Variants in RAB3C observed in about 807,000 individuals in gnomAD.
The protein encoded by RAB3C is ras-related protein Rab-3C.
Under a neutral mutation model 26.4 loss-of-function variants are expected in RAB3C, and 17 were observed. The observed-to-expected ratio is 0.64, with a 90% confidence interval of 0.44 to 0.97. RAB3C has a LOEUF of 0.97. Among genes scored for constraint, RAB3C ranks in the 50% least tolerant of loss-of-function variants. The probability of loss-of-function intolerance (pLI) is 0.00; values close to 1 mark genes in which losing one functional copy is unlikely to be tolerated. For synonymous variants in RAB3C, 91 were observed against 95.9 expected (o/e 0.95, Z 0.30); for missense variants, 242 against 281.9 (o/e 0.86, Z 1.01).
rs562276981 is a variant in RAB3C, at chr5:58,693,804, G to T, written c.253-32198G>T. Among the ~76,000 whole-genome samples the T allele has an allele frequency of 2.6e-4, 39 of 152,294 alleles. No homozygotes were observed. In the East Asian group the frequency reaches 7.4e-3, roughly 29 times the overall value. On this transcript the variant is annotated intron_variant, in intron 2 of 4. Coordinates refer to ENST00000282878, the MANE Select transcript of RAB3C (RefSeq NM_138453.4). ...TTTGCCTGATGGCATGCCAATTCTA[G>T]TCTATGCAGGGAGAGCCCCTCTGAA...
intron 1 of RAB3C, among the ~76,000 whole-genome samples, chr5:58,610,418 A>AT (rs574497504): frequency 2.6e-5 from 4 of 151,040 alleles, no homozygotes; most frequent in Admixed American, 6.6e-5. Flanking sequence ...TCAGGTTTTA[A>AT]TTTTTTTTTC....
intron 3 of RAB3C, among the ~76,000 whole-genome samples, chr5:58,777,659 A>G (rs541650333): frequency 2.0e-5 from 3 of 149,096 alleles, no homozygotes; most frequent in East Asian, 2.0e-4. Flanking sequence ...GGTTTGTTAC[A>G]TATGTATACA....
intron 3 of RAB3C, among the ~76,000 whole-genome samples, chr5:58,743,365 C>G (rs550694870): frequency 6.6e-6 from 1 of 151,866 alleles, no homozygotes; most frequent in Non-Finnish European, 1.5e-5. Context: ...CAGTCACAAT[C>G]TCTGCCATTG....
At chr5:58,756,646 T>A (rs1006613406) in intron 3 of RAB3C, among the ~76,000 whole-genome samples, 1 of 142,264 alleles carries the variant, frequency 7.0e-6, no homozygotes, top group Non-Finnish European at 1.5e-5. Context: ...CATTATAAAC[T>A]GTAAGTCACG....
chr5:58,811,291 C>G (rs189681496), intron 3 of RAB3C, among the ~76,000 whole-genome samples: 3 of 152,228 alleles, frequency 2.0e-5, no homozygotes, highest in Admixed American at 1.3e-4. Flanking sequence ...ATGACAAAAC[C>G]TCTTTGCTCT....
chr5:58,666,991 A>G lies in RAB3C; in HGVS notation c.252+49121A>G, dbSNP rs531936391. Among the ~76,000 whole-genome samples the G allele has an allele frequency of 2.0e-4, 31 of 152,328 alleles. No individual in the cohort carries two copies. The South Asian group carries it at 5.2e-3, about 25-fold the overall frequency. On this transcript the variant is annotated intron_variant, in intron 2 of 4. Transcript: ENST00000282878. ...CAACCAATTGCCATTAATGTTGGAA[A>G]ACAAAATTATCTGATGCTTTTAGAC... is the stretch of plus-strand genomic sequence containing the variant.
intron 3 of RAB3C, among the ~76,000 whole-genome samples, chr5:58,772,598 G>C (rs1240900764): frequency 6.6e-6 from 1 of 152,134 alleles, no homozygotes; most frequent in Non-Finnish European, 1.5e-5. Context: ...GAACAAAGAA[G>C]ACGAGAGAGA....
rs536046861 is a variant in RAB3C, at chr5:58,828,934, C to T, written c.496+3772C>T. ...TTTTTTTTTTTTTTGGATGGAGTCT[C>T]GTTCTGTCACCCAGGCTGGAGTGCA... is the stretch of plus-strand genomic sequence containing the variant. On this transcript the variant is annotated intron_variant, in intron 4 of 4. Coordinates refer to ENST00000282878, the MANE Select transcript of RAB3C (RefSeq NM_138453.4). Among the ~76,000 whole-genome samples, 45 of 133,946 alleles carry T rather than the reference C, an allele frequency of 3.4e-4. 1 individual carries two copies. The highest frequency in any genetic ancestry group is 2.2e-4 in the East Asian group (1 of 4,476). 87.9% of individuals were successfully genotyped at this position (133,946 alleles called of 152,430 possible). A position where few individuals can be genotyped will look rare whatever the true frequency, so the allele number is the denominator to read the frequency against.
At chr5:58,807,455 C>T (rs1375101168) in intron 3 of RAB3C, among the ~76,000 whole-genome samples, 1 of 152,188 alleles carries the variant, frequency 6.6e-6, no homozygotes, top group African/African-American at 2.4e-5. Context: ...GCTGCTGTAA[C>T]AAAATACCAT....
At chr5:58,843,143 G>T (rs1458158974) in intron 4 of RAB3C, among the ~76,000 whole-genome samples, 1 of 152,156 alleles carries the variant, frequency 6.6e-6, no homozygotes, top group Non-Finnish European at 1.5e-5. Context: ...ATGCAAAAAG[G>T]CCTAGCGTAG....
intron 2 of RAB3C, among the ~76,000 whole-genome samples, chr5:58,682,041 T>C (rs1210463713): frequency 1.3e-5 from 2 of 152,172 alleles, no homozygotes; most frequent in Admixed American, 6.5e-5. Flanking sequence ...TTGTAACTGA[T>C]GTTGGCATTA....
At chr5:58,824,948 C>T (rs1349308728) in intron 3 of RAB3C, 90 bp from the exon 4 acceptor site, 4 of 865,952 alleles carry the variant, frequency 4.6e-6, no homozygotes, top group East Asian at 5.5e-5. Context: ...CTTTTGCTAC[C>T]ATCATCATCT....
At chr5:58,584,070 C>G (rs535596466) in intron 1 of RAB3C, among the ~76,000 whole-genome samples, 1 of 152,198 alleles carries the variant, frequency 6.6e-6, no homozygotes, top group South Asian at 2.1e-4. Flanking sequence ...AAGCAGTGAT[C>G]CTACTGTGTA....
chr5:58,744,862 C>T (rs1741360290), intron 3 of RAB3C, among the ~76,000 whole-genome samples: 1 of 152,142 alleles, frequency 6.6e-6, no homozygotes, highest in African/African-American at 2.4e-5. Flanking sequence ...ACGGCAATCA[C>T]TGTGAAAGAC....
At chr5:58,849,816 A>G (rs778539328) in intron 4 of RAB3C, among the ~76,000 whole-genome samples, 3 of 152,232 alleles carry the variant, frequency 2.0e-5, no homozygotes, top group Non-Finnish European at 4.4e-5. Flanking sequence ...TCTAGCTTCA[A>G]TACTATTTAA....
At chr5:58,786,877 G>C (rs1171399970) in intron 3 of RAB3C, among the ~76,000 whole-genome samples, 5 of 151,950 alleles carry the variant, frequency 3.3e-5, no homozygotes, top group African/African-American at 9.7e-5. Flanking sequence ...TCCTACTGCG[G>C]TACATGTGCC....
chr5:58,837,006 A>G (rs1328536239), intron 4 of RAB3C, among the ~76,000 whole-genome samples: 1 of 152,142 alleles, frequency 6.6e-6, no homozygotes, highest in African/African-American at 2.4e-5. Flanking sequence ...CCAACAGTGT[A>G]TAAGAGTTTT....
chr5:58,585,402 T>C (rs1420082395), intron 1 of RAB3C, among the ~76,000 whole-genome samples: 2 of 152,054 alleles, frequency 1.3e-5, no homozygotes, highest in African/African-American at 4.8e-5. Context: ...ACTTTTTTTT[T>C]CATTTAAAGA....
intron 2 of RAB3C, among the ~76,000 whole-genome samples, chr5:58,712,145 T>C (rs1749074211): frequency 6.6e-6 from 1 of 152,146 alleles, no homozygotes; most frequent in Non-Finnish European, 1.5e-5. Context: ...CATTGATTTG[T>C]TTTTTCTCTG....
Sources: gnomAD v4.1 joint callset for allele counts (sites outside exome capture counted in the v4.1 genomes callset) on GRCh38, gnomAD v4.1.1 for gene constraint, MANE v1.5 for transcripts, NCBI Gene and HGNC (gene_info 2026-07-23, HGNC 2026-07-21) for gene names.